Variants in SVEP1 observed in about 807,000 individuals in gnomAD.
The protein encoded by SVEP1 is sushi, von Willebrand factor type A, EGF and pentraxin domain containing 1, also known as sushi, von Willebrand factor type A, EGF and pentraxin domain-containing protein 1.
A neutral mutation model predicts 367.3 loss-of-function variants in SVEP1; 164 were observed. The observed-to-expected ratio is 0.45, with a 90% confidence interval of 0.39 to 0.51. The LOEUF is 0.51. Ranked by LOEUF, SVEP1 falls within the 20% of genes least tolerant of loss-of-function variation. The pLI is 0.00. For synonymous variants in SVEP1, 1,666 were observed against 1,611.6 expected (o/e 1.03, Z -0.81); for missense variants, 4,117 against 4,425.3 (o/e 0.93, Z 1.98).
At chr9:110,390,144 CAAGTATATACATACATACTTATAT>C (rs1827616295) in intron 40 of SVEP1, among the ~76,000 whole-genome samples, 1 of 97,480 alleles carries the variant, frequency 1.0e-5, no homozygotes, top group African/African-American at 3.9e-5. Context: ...AGTATATATA[CAAGTATATACATACATACTTATAT>C]AAGTATGTAT....
At chr9:110,428,399 A>ACACACACACACACACACACAC (rs1828286024) in intron 35 of SVEP1, among the ~76,000 whole-genome samples, 1 of 120,176 alleles carries the variant, frequency 8.3e-6, no homozygotes, top group Admixed American at 8.2e-5. Flanking sequence ...CCTCTGTTTA[A>ACACACACACACACACACACAC]ACACACACAC....
intron 9 of SVEP1, among the ~76,000 whole-genome samples, chr9:110,486,778 G>A (rs1303478332): frequency 6.6e-6 from 1 of 151,970 alleles, no homozygotes; most frequent in African/African-American, 2.4e-5. Flanking sequence ...CTGAATAGCT[G>A]AGAATACAGG....
intron 3 of SVEP1, among the ~76,000 whole-genome samples, chr9:110,541,818 TATCTATATATATCTATATACATAGA>T (rs1830150806): frequency 7.0e-6 from 1 of 141,856 alleles, no homozygotes; most frequent in Admixed American, 7.1e-5. Context: ...TATACATAGA[TATCTATATATATCTATATACATAGA>T]TATCTATATA....
chr9:110,477,454 C>A (rs1829112015), intron 13 of SVEP1, among the ~76,000 whole-genome samples: 1 of 152,168 alleles, frequency 6.6e-6, no homozygotes, highest in South Asian at 2.1e-4. Context: ...AAAAATGTAA[C>A]CCTGCTGGCT....
intron 21 of SVEP1, among the ~76,000 whole-genome samples, chr9:110,456,770 G>A (rs4446796): frequency 0.86 from 130,921 of 152,274 alleles, 56,447 homozygotes; most frequent in East Asian, 0.99. Flanking sequence ...TAATTCATAC[G>A]TAATTCCTAC....
chr9:110,470,279 G>A (rs1172826753), intron 16 of SVEP1, among the ~76,000 whole-genome samples: 1 of 151,926 alleles, frequency 6.6e-6, no homozygotes, highest in East Asian at 1.9e-4. Context: ...GAGAGGTGAT[G>A]GTTGCACACC....
chr9:110,427,796 G>A (rs775105185), intron 35 of SVEP1, 38 bp from the exon 36 acceptor site: 1 of 1,584,358 alleles, frequency 6.3e-7, no homozygotes, highest in Non-Finnish European at 8.6e-7. Flanking sequence ...CATTGGCTAT[G>A]GATTTGCTGC....
At chr9:110,395,838 C>T (rs921741786) in intron 40 of SVEP1, among the ~76,000 whole-genome samples, 1 of 152,058 alleles carries the variant, frequency 6.6e-6, no homozygotes, top group East Asian at 1.9e-4. Flanking sequence ...TACAGGAGCA[C>T]CCAGATTCAT....
In SVEP1 at chr9:110,406,272, A is replaced by C; in HGVS notation, c.9328T>G (p.Trp3110Gly). Residue 3110 changes from tryptophan to glycine, a missense_variant, in exon 38 of 48, where the codon TGG (tryptophan) becomes GGG (glycine). Trp to Gly is a radical substitution (Grantham distance 184, BLOSUM62 -2). Coordinates refer to ENST00000374469, the MANE Select transcript of SVEP1 (RefSeq NM_153366.4). Reference protein sequence around the residue: ...SDLICTEKGVWSQPYPVCEPL... With the variant: ...SDLICTEKGVGSQPYPVCEPL... ...TCACAGACTGGATAAGGCTGGCTCC[A>C]TACCCCTTTCTCTGTACAAATCAGA... The C allele has an allele frequency of 1.2e-6, 2 of 1,614,070 alleles. No individual in the cohort carries two copies. The highest frequency in any genetic ancestry group is 1.7e-6 in the Non-Finnish European group (2 of 1,179,896).
In SVEP1 at chr9:110,446,895, C is replaced by A; in HGVS notation, c.4261+5G>T. On this transcript the variant is annotated splice_donor_5th_base_variant and intron_variant, in intron 25 of 47. Coordinates refer to ENST00000374469, the MANE Select transcript of SVEP1 (RefSeq NM_153366.4). ...TGTTATTAATAACACTGAGTTGATA[C>A]ATACCTGTTTCACACCTTTTGCCTG... The A allele has an allele frequency of 6.6e-7, 1 of 1,522,176 alleles. No homozygotes were observed. The highest frequency in any genetic ancestry group is 8.8e-7 in the Non-Finnish European group (1 of 1,134,938). 94.3% of individuals were successfully genotyped at this position (1,522,176 alleles called of 1,614,324 possible). A position where few individuals can be genotyped will look rare whatever the true frequency, so the allele number is the denominator to read the frequency against.
chr9:110,448,897 G>C (rs1264433977), intron 24 of SVEP1, among the ~76,000 whole-genome samples: 1 of 152,192 alleles, frequency 6.6e-6, no homozygotes, highest in Non-Finnish European at 1.5e-5. Flanking sequence ...ATTTCTTCTG[G>C]ATAGCGCCTT....
At chr9:110,410,718 G>A (rs1438085019) in intron 37 of SVEP1, among the ~76,000 whole-genome samples, 3 of 152,146 alleles carry the variant, frequency 2.0e-5, no homozygotes, top group African/African-American at 7.2e-5. Flanking sequence ...AGCCATTTCT[G>A]TTTTTCAATA....
chr9:110,547,279 A>C (rs1165339407), intron 2 of SVEP1, among the ~76,000 whole-genome samples: 1 of 152,224 alleles, frequency 6.6e-6, no homozygotes, highest in East Asian at 1.9e-4. Flanking sequence ...TCTGTAACAC[A>C]GGCCCTTAGG....
chr9:110,494,233 GC>G (rs1230346819), intron 8 of SVEP1, among the ~76,000 whole-genome samples: 1 of 152,126 alleles, frequency 6.6e-6, no homozygotes, highest in Non-Finnish European at 1.5e-5. Context: ...TATCCCACCA[GC>G]CCTGACCCTA....
chr9:110,554,585 A>C (rs566950616), intron 1 of SVEP1, among the ~76,000 whole-genome samples: 2 of 152,328 alleles, frequency 1.3e-5, no homozygotes, highest in South Asian at 4.1e-4. Flanking sequence ...AGCCCTAAAA[A>C]CATGCCCAGA....
chr9:110,410,833 C>T (rs1222509269), intron 37 of SVEP1, among the ~76,000 whole-genome samples: 1 of 152,094 alleles, frequency 6.6e-6, no homozygotes, highest in East Asian at 1.9e-4. Context: ...TCTCTTACCT[C>T]CAGAAAGTGA....
intron 1 of SVEP1, among the ~76,000 whole-genome samples, chr9:110,573,181 T>C (rs533684307): frequency 1.4e-5 from 2 of 145,126 alleles, no homozygotes; most frequent in African/African-American, 5.1e-5. Context: ...CCCCTTCCTA[T>C]AAAAAAAAAA....
At chr9:110,474,772 C>T (rs1014326421) in intron 14 of SVEP1, among the ~76,000 whole-genome samples, 24 of 151,890 alleles carry the variant, frequency 1.6e-4, no homozygotes, top group Admixed American at 5.2e-4. Flanking sequence ...AGTAAACAAC[C>T]GAAAATAACC....
At chr9:110,498,041 T>G (rs1829478372) in intron 7 of SVEP1, among the ~76,000 whole-genome samples, 1 of 152,224 alleles carries the variant, frequency 6.6e-6, no homozygotes, top group Non-Finnish European at 1.5e-5. Context: ...GAATCTAAAG[T>G]TTATATTTAT....
Sources: gnomAD v4.1 joint callset for allele counts (sites outside exome capture counted in the v4.1 genomes callset) on GRCh38, gnomAD v4.1.1 for gene constraint, MANE v1.5 for transcripts, NCBI Gene and HGNC (gene_info 2026-07-23, HGNC 2026-07-21) for gene names.